The following FRMPD1 variants were observed in gnomAD, a reference collection of about 807,000 sequenced individuals.
The protein encoded by FRMPD1 is FERM and PDZ domain-containing protein 1.
A neutral mutation model predicts 117.8 loss-of-function variants in FRMPD1; 76 were observed. That is an observed-to-expected ratio of 0.65 (90% CI 0.54 to 0.78). FRMPD1 has a LOEUF of 0.78. Ranked by LOEUF, FRMPD1 falls within the 30% of genes least tolerant of loss-of-function variation. The pLI is 0.00. For synonymous variants in FRMPD1, 783 were observed against 770.4 expected (o/e 1.02, Z -0.27); for missense variants, 1,786 against 1,964.5 (o/e 0.91, Z 1.72).
intron 6 of FRMPD1, among the ~76,000 whole-genome samples, chr9:37,720,121 G>T (rs1463479387): frequency 6.6e-6 from 1 of 152,178 alleles, no homozygotes; most frequent in East Asian, 1.9e-4. Context: ...TTTTCTACCT[G>T]CCCTGCTACT....
At chr9:37,645,100 G>GAA in the FRMPD1 span, among the ~76,000 whole-genome samples, 5,151 of 119,470 alleles carry the variant, frequency 0.043, 119 homozygotes, top group Non-Finnish European at 0.06. Context: ...TGAGCCAGCA[G>GAA]AAAAAAAAAA....
chr9:37,622,992 A>T, the FRMPD1 span, among the ~76,000 whole-genome samples: 8 of 152,360 alleles, frequency 5.3e-5, no homozygotes, highest in East Asian at 1.5e-3. Flanking sequence ...TAAAAATGAC[A>T]TATGATAAAA....
chr9:37,703,723 C>T (rs1352137434), intron 2 of FRMPD1, among the ~76,000 whole-genome samples: 2 of 152,174 alleles, frequency 1.3e-5, no homozygotes, highest in Admixed American at 1.3e-4. Flanking sequence ...CCTTGGACAA[C>T]CCCTAATCTA....
At position 37,744,553 on chromosome 9, in the gene FRMPD1, T is replaced by C. The variant is rs1824586266; in HGVS notation, c.2521T>C (p.Phe841Leu). 1 of 1,614,006 alleles carries C rather than the reference T, an allele frequency of 6.2e-7. No individual in the cohort carries two copies. The highest frequency in any genetic ancestry group is 1.7e-5 in the Admixed American group (1 of 60,008). Residue 841 changes from phenylalanine to leucine, a missense_variant, in exon 16 of 16, where the codon TTC (phenylalanine) becomes CTC (leucine). Phe to Leu is a conservative substitution (Grantham distance 22). Transcript: ENST00000377765. ...CAAGACCCTGAGGAAAAGAAGGTCT[T>C]TCCTACAGACCGACTACACCTCTCA... Reference protein sequence around the residue: ...YAKTLRKRRSFLQTDYTSQVS... With the variant: ...YAKTLRKRRSLLQTDYTSQVS...
intron 8 of FRMPD1, 144 bp from the exon 9 acceptor site, chr9:37,730,840 G>A: frequency 2.6e-6 from 2 of 770,120 alleles, no homozygotes; most frequent in Admixed American, 2.6e-5. Context: ...AGGAGTAAAG[G>A]TCTATGGCTG....
Position 37,716,141 on chromosome 9 carries a change from C to T in FRMPD1, c.409-2928C>T, listed in dbSNP as rs116269191. ...ATGGGGAGTGGACATGCACCAAGAA[C>T]GCTAGTAAAGCCCAAGATTGGGTTA... On this transcript the variant is annotated intron_variant, in intron 5 of 15. Coordinates refer to ENST00000377765, the MANE Select transcript of FRMPD1 (RefSeq NM_014907.3). 8.1e-3 allele frequency among the ~76,000 whole-genome samples: 1,229 copies of T among 152,258 alleles called. 19 individuals are homozygous for T. Among genetic ancestry groups the T allele is most frequent in the African/African-American group, 0.028 (1,165 of 41,540 alleles).
the FRMPD1 span, among the ~76,000 whole-genome samples, chr9:37,608,023 T>C: frequency 6.6e-6 from 1 of 152,222 alleles, no homozygotes; most frequent in East Asian, 1.9e-4. Context: ...GATAAACTTG[T>C]GGCCAGCGAT....
rs1000025185 is a variant in FRMPD1 at position 37,740,330 on chromosome 9, G to A, written c.1802G>A (p.Arg601Lys). Residue 601 changes from arginine (R) to lysine (K), a missense_variant, in exon 15 of 16, where the codon AGG (arginine) becomes AAG (lysine). Physicochemically the swap from Arg to Lys is conservative, Grantham distance 26. Transcript: ENST00000377765. The surrounding 1 kb of genome is among the most constrained non-coding windows in gnomAD (Gnocchi z 4.2). ...DSANTESRGYRTSGSSESMDA... is the reference protein window; with the variant it reads ...DSANTESRGYKTSGSSESMDA... ...GCCAACACTGAGAGCCGCGGCTACAGGACCAGTGGCTCGAGTGAGTCCATG... is the reference window on the plus strand; with the variant it reads ...GCCAACACTGAGAGCCGCGGCTACAAGACCAGTGGCTCGAGTGAGTCCATG... 10 of 1,613,794 alleles carry A rather than the reference G, an allele frequency of 6.2e-6. No individual in the cohort carries two copies. In the African/African-American group the frequency reaches 1.1e-4, roughly 17 times the overall value.
intron 15 of FRMPD1, among the ~76,000 whole-genome samples, chr9:37,742,250 C>T (rs552135245): frequency 2.0e-5 from 3 of 152,232 alleles, no homozygotes; most frequent in African/African-American, 7.2e-5. Flanking sequence ...CCCAGACAAC[C>T]ACTTTCCATG....
rs1184173542 is a variant in FRMPD1, at chr9:37,691,204, CA to C, written c.-4-1432del. On this transcript the variant is annotated intron_variant, in intron 1 of 15. Transcript: ENST00000377765. ...TACCGTCTATTGTGCCTAGTCTCCC[CA>C]AGCTTCTCTTGTTCGTTTTCTCCAG... 2.0e-5 allele frequency among the ~76,000 whole-genome samples: 3 copies of C among 152,196 alleles called. No individual in the cohort carries two copies. In the East Asian group the frequency reaches 5.8e-4, roughly 29 times the overall value.
In FRMPD1 at chr9:37,685,424, A is replaced by G. The variant is rs561692255; in HGVS notation, c.-4-7214A>G. Among the ~76,000 whole-genome samples, 8 of 152,210 alleles carry G rather than the reference A, an allele frequency of 5.3e-5. No homozygotes were observed. In the East Asian group the frequency reaches 7.7e-4, roughly 15 times the overall value. On this transcript the variant is annotated intron_variant, in intron 1 of 15. Transcript: ENST00000377765. Reference sequence around the variant, plus strand: ...TTTGGGAGGCCAAGGCGGGCGGATCACAAAGTCAGGAGATCGAGACTATCC... The same window carrying G: ...TTTGGGAGGCCAAGGCGGGCGGATCGCAAAGTCAGGAGATCGAGACTATCC...
intron 5 of FRMPD1, among the ~76,000 whole-genome samples, chr9:37,714,007 A>G (rs939381986): frequency 2.6e-5 from 4 of 152,212 alleles, no homozygotes; most frequent in Non-Finnish European, 5.9e-5. Flanking sequence ...GACAAATGTT[A>G]TCTTTTGTTT....
In FRMPD1 at chr9:37,745,913, C is replaced by T. The variant is rs747284934; in HGVS notation, c.3881C>T (p.Ser1294Phe). 2 of 1,614,218 alleles carry T rather than the reference C, an allele frequency of 1.2e-6. No homozygotes were observed. Reference protein sequence around the residue: ...SSSICLSAEKSFLCFAPESHP... With the variant: ...SSSICLSAEKFFLCFAPESHP... ...AGCATCTGCCTTTCTGCTGAGAAGT[C>T]TTTTCTGTGCTTTGCCCCAGAAAGC... is the stretch of plus-strand genomic sequence containing the variant. The change falls in exon 16 of 16, where the codon TCT becomes TTT. Residue 1294 changes from serine (S) to phenylalanine (F), a missense_variant. Transcript: ENST00000377765.
At chr9:37,700,262 G>C (rs1822485285) in intron 2 of FRMPD1, among the ~76,000 whole-genome samples, 1 of 152,024 alleles carries the variant, frequency 6.6e-6, no homozygotes, top group Non-Finnish European at 1.5e-5. Context: ...TCAACTGTAG[G>C]AGCACTACCC....
At chr9:37,714,544 C>T (rs1336190026) in intron 5 of FRMPD1, among the ~76,000 whole-genome samples, 2 of 152,036 alleles carry the variant, frequency 1.3e-5, no homozygotes. Flanking sequence ...CTAGCCTGCT[C>T]CTGGGCCTCT....
At chr9:37,705,997 A>AAATAAAT (rs1257896636) in intron 2 of FRMPD1, among the ~76,000 whole-genome samples, 1 of 141,542 alleles carries the variant, frequency 7.1e-6, no homozygotes, top group Non-Finnish European at 1.6e-5. Context: ...ATAAATAAAT[A>AAATAAAT]AATAAAAGAT....
At chr9:37,671,347 T>C (rs930061351) in intron 1 of FRMPD1, among the ~76,000 whole-genome samples, 1 of 152,226 alleles carries the variant, frequency 6.6e-6, no homozygotes, top group Non-Finnish European at 1.5e-5. Flanking sequence ...TTATGACTTC[T>C]AGTATTTGTA....
chr9:37,734,605 A>T lies in FRMPD1; in HGVS notation c.1218+780A>T, dbSNP rs369747460. Among the ~76,000 whole-genome samples the T allele has an allele frequency of 2.3e-4, 35 of 152,252 alleles. 1 individual carries two copies. The South Asian group carries it at 7.1e-3, about 31-fold the overall frequency. On this transcript the variant is annotated intron_variant, in intron 12 of 15. Coordinates refer to ENST00000377765, the MANE Select transcript of FRMPD1 (RefSeq NM_014907.3). ...ACAATTAGAGTGGGGTTTTAAAAAA[A>T]TATTAACCAAAATCCTTTCAAAAGA... is the stretch of plus-strand genomic sequence containing the variant.
At chr9:37,715,835 G>A (rs1823094850) in intron 5 of FRMPD1, among the ~76,000 whole-genome samples, 4 of 152,124 alleles carry the variant, frequency 2.6e-5, no homozygotes, top group Admixed American at 2.6e-4. Flanking sequence ...CCAGTTTCAT[G>A]GTTGGGTGGT....
Sources: gnomAD v4.1 joint callset for allele counts (sites outside exome capture counted in the v4.1 genomes callset) on GRCh38, gnomAD v4.1.1 for gene constraint, Gnocchi (gnomAD v3.1) non-coding constraint, MANE v1.5 for transcripts, NCBI Gene and HGNC (gene_info 2026-07-23, HGNC 2026-07-21) for gene names.